MXD4: variants seen among roughly 807,000 people sequenced by gnomAD.
MXD4 encodes the protein Mad4 homolog.
In MXD4, 16 loss-of-function variants were observed where a neutral mutation model predicts 24.5. That is an observed-to-expected ratio of 0.65 (90% confidence interval 0.44 to 0.99). The LOEUF (loss-of-function observed/expected upper bound fraction) is 0.99, where lower values mean the gene tolerates loss of function less well. MXD4 is among the 50% of genes least tolerant of loss of function. The pLI, the probability that MXD4 is intolerant of heterozygous loss-of-function variation, is 0.00. For missense variants in MXD4, 301 were observed against 301.5 expected (o/e 1.00, Z 0.01); for synonymous variants, 164 against 134.2 (o/e 1.22, Z -1.54).
intron 3 of MXD4, among the ~76,000 whole-genome samples, chr4:2,257,522 C>T (rs531113984): frequency 4.3e-4 from 66 of 152,372 alleles, no homozygotes; most frequent in African/African-American, 1.5e-3. Context: ...CTCAAGAGCT[C>T]GCCTGAATCC....
In MXD4 at chr4:2,250,516, G is replaced by A. The variant is rs1366954389; in HGVS notation, c.*28C>T. ...GGCTGACACGCGTGGCTGGCGGGCA[G>A]GCAGGCCAAGGAGCAGAGGGCACGG... On this transcript the variant is annotated 3_prime_UTR_variant, in exon 6 of 6. Transcript: ENST00000337190. 1.3e-6 allele frequency: 2 copies of A among 1,528,914 alleles called. No homozygotes were observed. Among genetic ancestry groups the A allele is most frequent in the East Asian group, 2.4e-5 (1 of 41,210 alleles). 94.7% of individuals were successfully genotyped at this position (1,528,914 alleles called of 1,614,324 possible).
In MXD4 at chr4:2,250,672, G is replaced by A. The variant is rs1288261464; in HGVS notation, c.502C>T (p.Pro168Ser). ...CTGCCAACACTGTCCAGCTCACCAG[G>A]GCCAAACTCCATGCCCTCTATGTCC... ...EVDIEGMEFG[P>S]GELDSVGSSS... Residue 168 changes from proline (P) to serine (S), a missense_variant, in exon 6 of 6, where the codon CCT (proline) becomes TCT (serine). Transcript: ENST00000337190. 4.3e-6 allele frequency: 7 copies of A among 1,613,596 alleles called. No individual in the cohort carries two copies. The highest frequency in any genetic ancestry group is 1.3e-5 in the African/African-American group (1 of 74,942).
At position 2,261,810 on chromosome 4, in the gene MXD4, A is replaced by G. The variant is rs1735554065; in HGVS notation, c.79T>C (p.Tyr27His). 7.1e-7 allele frequency: 1 copy of G among 1,405,938 alleles called. No individual in the cohort carries two copies. Among genetic ancestry groups the G allele is most frequent in the Admixed American group, 2.6e-5 (1 of 38,000 alleles). The allele number at this position is 1,405,938 out of a possible 1,614,324, so 87.1% of individuals were successfully genotyped here. ...CCGTCGAAGGGCAGCACCGAGGCGTAGCCGTGCTCGGCCTCTGCGGACACA... is the reference window on the plus strand; with the variant it reads ...CCGTCGAAGGGCAGCACCGAGGCGTGGCCGTGCTCGGCCTCTGCGGACACA... ...ERRDREAEHG[Y>H]ASVLPFDGDF... The change falls in exon 2 of 6, where the codon TAC becomes CAC. Residue 27 changes from tyrosine (Y) to histidine (H), a missense_variant. By Grantham distance (83) the Tyr-to-His change is moderately conservative. Coordinates refer to ENST00000337190, the MANE Select transcript of MXD4 (RefSeq NM_006454.3).
intron 3 of MXD4, among the ~76,000 whole-genome samples, chr4:2,255,551 T>C (rs1475346063): frequency 6.6e-6 from 1 of 151,300 alleles, no homozygotes; most frequent in Non-Finnish European, 1.5e-5. Flanking sequence ...CCCACCCCTC[T>C]GAGCCATGAA....
chr4:2,250,503 T>C lies in MXD4; in HGVS notation c.*41A>G. ...AGGAGAACTGGAGGGCTGACACGCGTGGCTGGCGGGCAGGCAGGCCAAGGA... is the reference window on the plus strand; with the variant it reads ...AGGAGAACTGGAGGGCTGACACGCGCGGCTGGCGGGCAGGCAGGCCAAGGA... On this transcript the variant is annotated 3_prime_UTR_variant, in exon 6 of 6. Coordinates refer to ENST00000337190, the MANE Select transcript of MXD4 (RefSeq NM_006454.3). 6.6e-7 allele frequency: 1 copy of C among 1,515,932 alleles called. No individual in the cohort carries two copies. Among genetic ancestry groups the C allele is most frequent in the South Asian group, 1.3e-5 (1 of 79,588 alleles). 93.9% of individuals were successfully genotyped at this position (1,515,932 alleles called of 1,614,324 possible).
At chr4:2,250,810 C>T (rs1020668692) in intron 5 of MXD4, 109 bp from the exon 6 acceptor site, 21 of 1,384,162 alleles carry the variant, frequency 1.5e-5, no homozygotes, top group African/African-American at 8.7e-5. Flanking sequence ...GTGCGGAGGG[C>T]GCTGTCTGGG....
chr4:2,251,109 A>G lies in MXD4; in HGVS notation c.447T>C (p.Ala149=). 1 of 1,585,958 alleles carries G rather than the reference A, an allele frequency of 6.3e-7. No homozygotes were observed. Among genetic ancestry groups the G allele is most frequent in the Non-Finnish European group, 8.6e-7 (1 of 1,162,258 alleles). The part of the protein sequence containing the change: ...ERVRTDSTGS[A]VSTDDSEQEV... ...CTTGCTCTGAGTCGTCCGTGGAGAC[A>G]GCAGAGCCCGTGCTATCTGTGCGCA... Residue 149 remains alanine (A), a synonymous_variant, in exon 5 of 6, where the codon GCT becomes GCC. Transcript: ENST00000337190.
In MXD4 at chr4:2,258,017, T is replaced by C. The variant is rs114820443; in HGVS notation, c.165-6A>G. 2.5e-4 allele frequency: 405 copies of C among 1,613,594 alleles called. 3 individuals are homozygous for C. The African/African-American group carries it at 4.9e-3, about 19-fold the overall frequency. On this transcript the variant is annotated splice_polypyrimidine_tract_variant and splice_region_variant and intron_variant, in intron 2 of 5. Transcript: ENST00000337190. ...CTAGCTCGTTGTGTGAAGACCTGTT[T>C]AGAAAGACAGAAAGACAGAGCTCAC...
chr4:2,259,250 C>G (rs1401842173), intron 2 of MXD4, among the ~76,000 whole-genome samples: 2 of 152,226 alleles, frequency 1.3e-5, no homozygotes, highest in African/African-American at 4.8e-5. Context: ...ACCCGCTGCA[C>G]CAACAGGCCC....
At chr4:2,255,574 G>A (rs904642574) in intron 3 of MXD4, among the ~76,000 whole-genome samples, 4 of 150,706 alleles carry the variant, frequency 2.7e-5, no homozygotes, top group South Asian at 2.1e-4. Context: ...CCCTCAGCCC[G>A]GGGCTGCACT....
chr4:2,250,623 T>C lies in MXD4; in HGVS notation c.551A>G (p.Tyr184Cys), dbSNP rs1465000628. ...VGSSSDADDHYSLQSGTGGDS... is the reference protein window; with the variant it reads ...VGSSSDADDHCSLQSGTGGDS... ...GCCGCCGGTGCCACTCTGCAGGCTG[T>C]AGTGGTCGTCCGCGTCACTGCTGCT... Residue 184 changes from tyrosine (Y) to cysteine (C), a missense_variant, in exon 6 of 6, where the codon TAC (tyrosine) becomes TGC (cysteine). Physicochemically the swap from Tyr to Cys is radical, Grantham distance 194. Transcript: ENST00000337190. 2 of 1,613,284 alleles carry C rather than the reference T, an allele frequency of 1.2e-6. No individual in the cohort carries two copies. The highest frequency in any genetic ancestry group is 1.1e-5 in the South Asian group (1 of 91,064).
chr4:2,251,756 G>C (rs1735327412), intron 4 of MXD4, among the ~76,000 whole-genome samples: 1 of 152,222 alleles, frequency 6.6e-6, no homozygotes, highest in Non-Finnish European at 1.5e-5. Flanking sequence ...AGGGCCCCCA[G>C]GGCTCTGGTT....
At chr4:2,252,047 C>G (rs563242969) in intron 4 of MXD4, among the ~76,000 whole-genome samples, 283 of 152,266 alleles carry the variant, frequency 1.9e-3, no homozygotes, top group African/African-American at 6.4e-3. Context: ...GAAACCCTGG[C>G]CCCCTCTCTC....
chr4:2,261,226 C>T (rs1379857611), intron 2 of MXD4, among the ~76,000 whole-genome samples: 2 of 152,190 alleles, frequency 1.3e-5, no homozygotes, highest in African/African-American at 4.8e-5. Context: ...TGTCTAGGCT[C>T]CTGGGGGCGG....
Position 2,252,475 on chromosome 4 carries a change from G to A in MXD4, c.242C>T (p.Pro81Leu). ...GTGGCGGGTGCTGTCGGGGCCCAGG[G>A]GCACCAGTTGCTTGAGCTGCTCAAG... ...LYLEQLKQLV[P>L]LGPDSTRHTT... The change falls in exon 4 of 6, where the codon CCC becomes CTC. Residue 81 changes from proline (P) to leucine (L), a missense_variant. Coordinates refer to ENST00000337190, the MANE Select transcript of MXD4 (RefSeq NM_006454.3). 6.2e-7 allele frequency: 1 copy of A among 1,612,374 alleles called. No individual in the cohort carries two copies. The highest frequency in any genetic ancestry group is 8.5e-7 in the Non-Finnish European group (1 of 1,179,956).
chr4:2,250,290 T>A lies in MXD4; in HGVS notation c.*254A>T, dbSNP rs540155874. On this transcript the variant is annotated 3_prime_UTR_variant, in exon 6 of 6. Transcript: ENST00000337190. ...AATCTGAGAACAGACCGTGGGCGGCTATGCTGACCAGGGCTCCGGATGTGG... is the reference window on the plus strand; with the variant it reads ...AATCTGAGAACAGACCGTGGGCGGCAATGCTGACCAGGGCTCCGGATGTGG... 20 of 566,918 alleles carry A rather than the reference T, an allele frequency of 3.5e-5. No homozygotes were observed. Among genetic ancestry groups the A allele is most frequent in the Non-Finnish European group, 5.9e-5 (19 of 319,684 alleles). The allele number at this position is 566,918 out of a possible 1,614,324, so 35.1% of individuals were successfully genotyped here.
At chr4:2,252,848 A>C in intron 3 of MXD4, 12 of 281,516 alleles carry the variant, frequency 4.3e-5, no homozygotes, top group East Asian at 1.9e-4. Flanking sequence ...TGGAGTCCAC[A>C]TGCAGGGAGG....
At position 2,257,972 on chromosome 4, in the gene MXD4, G is replaced by A. The variant is rs752751316; in HGVS notation, c.194+10C>T. 37 of 1,613,572 alleles carry A rather than the reference G, an allele frequency of 2.3e-5. No individual in the cohort carries two copies. The highest frequency in any genetic ancestry group is 1.8e-4 in the East Asian group (8 of 44,890). On this transcript the variant is annotated intron_variant, in intron 3 of 5. Coordinates refer to ENST00000337190, the MANE Select transcript of MXD4 (RefSeq NM_006454.3). ...GTCGGGCTCATGTGGGGAACTGGGG[G>A]GTCACTTACCTGTGCTTTTCTAGCT...
rs1577816073 is a variant in MXD4, at chr4:2,250,190, G to A, written c.*354C>T. ...AGGGTTGGGGTCTGAGCTCCCTGTG[G>A]TGGTCATTAAGCCCCTCACACGGCA... On this transcript the variant is annotated 3_prime_UTR_variant, in exon 6 of 6. Transcript: ENST00000337190. 6 of 277,984 alleles carry A rather than the reference G, an allele frequency of 2.2e-5. No homozygotes were observed. The East Asian group carries it at 4.2e-4, about 20-fold the overall frequency. The allele number at this position is 277,984 out of a possible 1,614,324, so 17.2% of individuals were successfully genotyped here. A position where few individuals can be genotyped will look rare whatever the true frequency, so the allele number is the denominator to read the frequency against.
Sources: allele counts gnomAD v4.1 joint callset (sites outside exome capture counted in the v4.1 genomes callset), GRCh38; gene constraint gnomAD v4.1.1; transcripts MANE v1.5; gene names NCBI Gene and HGNC (gene_info 2026-07-23, HGNC 2026-07-21).